The following TRAPPC9 variants were observed in gnomAD, a reference collection of about 807,000 sequenced individuals.
TRAPPC9 encodes the protein trafficking protein particle complex subunit 9.
Under a neutral mutation model 124.0 loss-of-function variants are expected in TRAPPC9, and 83 were observed. That is an observed-to-expected ratio of 0.67 (90% CI 0.56 to 0.80). The LOEUF is 0.80. Ranked by LOEUF, TRAPPC9 falls within the 30% of genes least tolerant of loss-of-function variation. TRAPPC9 has a pLI of 0.00. For missense variants in TRAPPC9, 1,302 were observed against 1,508.3 expected (o/e 0.86, Z 2.27); for synonymous variants, 638 against 617.5 (o/e 1.03, Z -0.49).
At chr8:139,737,200 G>T (rs1818231350) in intron 21 of TRAPPC9, among the ~76,000 whole-genome samples, 1 of 152,164 alleles carries the variant, frequency 6.6e-6, no homozygotes, top group African/African-American at 2.4e-5. Context: ...CCCCAGGCAG[G>T]CCCTGAGGGA....
Position 139,990,656 on chromosome 8 carries a change from G to A in TRAPPC9, c.2700-1820C>T, listed in dbSNP as rs185090254. ...GGCTGGAGTGCAGTGGCACAATCTC[G>A]GCTCACTGCAACCTCCACCTCCTGG... On this transcript the variant is annotated intron_variant, in intron 18 of 22. Coordinates refer to ENST00000438773, the MANE Select transcript of TRAPPC9 (RefSeq NM_001160372.4). Among the ~76,000 whole-genome samples the A allele has an allele frequency of 9.7e-3, 1,464 of 151,586 alleles. 4 individuals carry two copies. The highest frequency in any genetic ancestry group is 0.013 in the African/African-American group (539 of 41,296).
At chr8:139,865,597 A>G (rs1473382806) in intron 21 of TRAPPC9, among the ~76,000 whole-genome samples, 2 of 152,164 alleles carry the variant, frequency 1.3e-5, no homozygotes, top group Non-Finnish European at 2.9e-5. Context: ...TGGCAAGGAA[A>G]GCTATGGAGA....
chr8:140,337,027 T>A (rs2067061519), intron 9 of TRAPPC9, among the ~76,000 whole-genome samples: 1 of 152,168 alleles, frequency 6.6e-6, no homozygotes, highest in African/African-American at 2.4e-5. Context: ...TGCAGCCCCT[T>A]GTCAGTGTCG....
At position 139,788,899 on chromosome 8, in the gene TRAPPC9, G is replaced by A. The variant is rs1368972385; in HGVS notation, c.3056-56697C>T. 1.3e-5 allele frequency among the ~76,000 whole-genome samples: 2 copies of A among 152,178 alleles called. No individual in the cohort carries two copies. The highest frequency in any genetic ancestry group is 2.9e-5 in the Non-Finnish European group (2 of 68,036). Reference sequence around the variant, plus strand: ...GGGCCCTGTTGCCAACCTTCTGCAGGTCAGACCAAAGTTTTAAAAGAAAAG... The same window carrying A: ...GGGCCCTGTTGCCAACCTTCTGCAGATCAGACCAAAGTTTTAAAAGAAAAG... On this transcript the variant is annotated intron_variant, in intron 21 of 22. Transcript: ENST00000438773. This position sits in a 1 kb window ranked among gnomAD's most constrained non-coding sequence, Gnocchi z 4.9.
intron 17 of TRAPPC9, among the ~76,000 whole-genome samples, chr8:140,028,864 C>T (rs1211650089): frequency 6.6e-6 from 1 of 152,010 alleles, no homozygotes; most frequent in African/African-American, 2.4e-5. Flanking sequence ...GAACAACAAA[C>T]CAGTAAGGAA....
chr8:140,278,207 G>A (rs988857140), intron 14 of TRAPPC9, among the ~76,000 whole-genome samples: 3 of 152,054 alleles, frequency 2.0e-5, no homozygotes, highest in African/African-American at 4.8e-5. Context: ...GGGTTCAAGC[G>A]ATTCTCCTGC....
At chr8:139,782,770 G>A (rs1423211993) in intron 21 of TRAPPC9, among the ~76,000 whole-genome samples, 1 of 152,158 alleles carries the variant, frequency 6.6e-6, no homozygotes, top group African/African-American at 2.4e-5. Flanking sequence ...ATTATATCAA[G>A]TGAACATTGA....
At chr8:139,965,611 G>A (rs1835648592) in intron 19 of TRAPPC9, among the ~76,000 whole-genome samples, 1 of 118,524 alleles carries the variant, frequency 8.4e-6, no homozygotes, top group African/African-American at 2.8e-5. Flanking sequence ...CTGGTCTCCA[G>A]GAGCCCCCAG....
At chr8:140,295,554 C>G (rs1312681440) in intron 11 of TRAPPC9, among the ~76,000 whole-genome samples, 1 of 152,230 alleles carries the variant, frequency 6.6e-6, no homozygotes, top group African/African-American at 2.4e-5. Flanking sequence ...CAACCCAACA[C>G]ACTCAAGCTG....
chr8:140,408,319 G>A (rs1038754379), intron 5 of TRAPPC9, among the ~76,000 whole-genome samples: 1 of 152,130 alleles, frequency 6.6e-6, no homozygotes, highest in African/African-American at 2.4e-5. Context: ...CACCAAAAAG[G>A]TTCTCAAGTA....
At chr8:139,964,443 G>C (rs1020431211) in intron 19 of TRAPPC9, among the ~76,000 whole-genome samples, 2 of 152,054 alleles carry the variant, frequency 1.3e-5, no homozygotes, top group Non-Finnish European at 2.9e-5. Context: ...CTCCGCCTTG[G>C]AGAAGATTCA....
At chr8:139,884,870 A>G (rs747418755) in intron 21 of TRAPPC9, among the ~76,000 whole-genome samples, 1 of 152,210 alleles carries the variant, frequency 6.6e-6, no homozygotes, top group Non-Finnish European at 1.5e-5. Flanking sequence ...TGGTCCCGAC[A>G]GCTTTCACCT....
At chr8:139,903,292 G>A (rs1343151174) in intron 20 of TRAPPC9, among the ~76,000 whole-genome samples, 2 of 152,166 alleles carry the variant, frequency 1.3e-5, no homozygotes, top group African/African-American at 4.8e-5. Context: ...TCTCAAAGCA[G>A]CCAAATTGGT....
rs75700877 is a variant in TRAPPC9 at position 140,224,375 on chromosome 8, G to A, written c.2432-2792C>T. 9.8e-5 allele frequency among the ~76,000 whole-genome samples: 15 copies of A among 152,308 alleles called. No individual in the cohort carries two copies. The East Asian group carries it at 1.9e-3, about 20-fold the overall frequency. ...GGGGGAAAGACAGAGACATGAGCCTGACAAACATCCCCTAGAGGTGCCTGC... is the reference window on the plus strand; with the variant it reads ...GGGGGAAAGACAGAGACATGAGCCTAACAAACATCCCCTAGAGGTGCCTGC... On this transcript the variant is annotated intron_variant, in intron 16 of 22. Transcript: ENST00000438773.
chr8:140,367,747 T>C (rs776575939), intron 8 of TRAPPC9, among the ~76,000 whole-genome samples: 5 of 152,014 alleles, frequency 3.3e-5, no homozygotes, highest in Non-Finnish European at 7.4e-5. Context: ...TGATGATGTG[T>C]CAACATAGGT....
At chr8:139,738,572 C>T (rs1449104312) in intron 21 of TRAPPC9, among the ~76,000 whole-genome samples, 3 of 152,220 alleles carry the variant, frequency 2.0e-5, no homozygotes, top group Non-Finnish European at 4.4e-5. Flanking sequence ...AGGGTGCAGG[C>T]ACCCCAGGAG....
At chr8:140,032,002 T>C (rs115782336) in intron 17 of TRAPPC9, among the ~76,000 whole-genome samples, 4,290 of 152,248 alleles carry the variant, frequency 0.028, 169 homozygotes, top group African/African-American at 0.096. Context: ...CCTAACTCCC[T>C]GGGCGATGAG....
At chr8:140,449,818 T>A (rs2071393197) in intron 2 of TRAPPC9, among the ~76,000 whole-genome samples, 1 of 152,130 alleles carries the variant, frequency 6.6e-6, no homozygotes, top group African/African-American at 2.4e-5. Flanking sequence ...AGCCCTTACC[T>A]CTCCAGATTC....
intron 21 of TRAPPC9, among the ~76,000 whole-genome samples, chr8:139,823,638 C>T (rs1825411995): frequency 6.6e-6 from 1 of 152,082 alleles, no homozygotes; most frequent in Non-Finnish European, 1.5e-5. Context: ...GGGGTCTCTC[C>T]CAGGTGGAAA....
Sources: gnomAD v4.1 joint callset for allele counts (sites outside exome capture counted in the v4.1 genomes callset) on GRCh38, gnomAD v4.1.1 for gene constraint, Gnocchi (gnomAD v3.1) non-coding constraint, MANE v1.5 for transcripts, NCBI Gene and HGNC (gene_info 2026-07-23, HGNC 2026-07-21) for gene names.